Variants in GRIN2B observed in about 807,000 individuals in gnomAD.
GRIN2B encodes the protein glutamate receptor ionotropic, NMDA 2B.
In GRIN2B, 5 loss-of-function variants were observed where a neutral mutation model predicts 114.5. The ratio of observed to expected loss-of-function variants is 0.04; its 90% CI spans 0.02 to 0.09. The LOEUF (loss-of-function observed/expected upper bound fraction) is 0.09. Ranked by LOEUF, GRIN2B falls within the 10% of genes least tolerant of loss-of-function variation. GRIN2B has a pLI of 1.00. For synonymous variants in GRIN2B, 787 were observed against 745.1 expected (o/e 1.06, Z -0.92); for missense variants, 1,108 against 1,943.5 (o/e 0.57, Z 8.08).
intron 10 of GRIN2B, among the ~76,000 whole-genome samples, chr12:13,575,522 G>C (rs1948763033): frequency 1.3e-5 from 2 of 151,972 alleles, no homozygotes; most frequent in Admixed American, 1.3e-4. Context: ...AGCCGTGCGT[G>C]GTGGCATGCG....
intron 2 of GRIN2B, among the ~76,000 whole-genome samples, chr12:13,866,596 G>A (rs1022823726): frequency 1.3e-5 from 2 of 152,172 alleles, no homozygotes; most frequent in Non-Finnish European, 2.9e-5. Flanking sequence ...TTGGGCTGAA[G>A]GAAAGCAAGG....
At position 13,539,929 on chromosome 12, in the gene GRIN2B, ATTG is replaced by A. The variant is rs1396685955; in HGVS notation, c.*22851_*22853del. 1 of 152,216 alleles carries A rather than the reference ATTG, an allele frequency of 6.6e-6. No homozygotes were observed. The highest frequency in any genetic ancestry group is 1.5e-5 in the Non-Finnish European group (1 of 68,038). The allele number at this position is 152,216 out of a possible 1,614,324, so 9.4% of individuals were successfully genotyped here. A position where few individuals can be genotyped will look rare whatever the true frequency, so the allele number is the denominator to read the frequency against. On this transcript the variant is annotated 3_prime_UTR_variant, in exon 14 of 14. Coordinates refer to ENST00000609686, the MANE Select transcript of GRIN2B (RefSeq NM_000834.5). ...GGCTACCTTATGATGTCACAATGGT[ATTG>A]TTAAACTAAAAAAGAGTCCTTAGTA...
At chr12:13,741,196 AT>A (rs1863279146) in intron 4 of GRIN2B, among the ~76,000 whole-genome samples, 1 of 151,862 alleles carries the variant, frequency 6.6e-6, no homozygotes, top group Admixed American at 6.6e-5. Context: ...CGCCCGGCTA[AT>A]TTTTTTGTAT....
At chr12:13,840,703 T>C (rs1330675114) in intron 3 of GRIN2B, among the ~76,000 whole-genome samples, 1 of 152,176 alleles carries the variant, frequency 6.6e-6, no homozygotes, top group African/African-American at 2.4e-5. Flanking sequence ...CTTTTACCTG[T>C]CTAAAAATCA....
At chr12:13,643,037 T>C (rs764784304) in intron 5 of GRIN2B, among the ~76,000 whole-genome samples, 17 of 152,262 alleles carry the variant, frequency 1.1e-4, no homozygotes, top group Non-Finnish European at 1.9e-4. Context: ...TAGAGAACTG[T>C]CTCTTTTTCA....
intron 5 of GRIN2B, among the ~76,000 whole-genome samples, chr12:13,670,740 C>T (rs1950015552): frequency 6.6e-6 from 1 of 152,068 alleles, no homozygotes; most frequent in African/African-American, 2.4e-5. Flanking sequence ...ACTCACCATG[C>T]TATGTCTGCA....
chr12:13,924,207 A>G (rs191634160), intron 2 of GRIN2B, among the ~76,000 whole-genome samples: 136 of 152,334 alleles, frequency 8.9e-4, no homozygotes, highest in Middle Eastern at 6.8e-3. Context: ...GGTATATTGT[A>G]TATGGATAAG....
At chr12:13,610,758 T>C (rs1177480849) in intron 9 of GRIN2B, among the ~76,000 whole-genome samples, 2 of 152,200 alleles carry the variant, frequency 1.3e-5, no homozygotes, top group Non-Finnish European at 2.9e-5. Context: ...CTGGTTATTT[T>C]AACATGCAAC....
At chr12:13,683,260 G>A (rs984348417) in intron 4 of GRIN2B, among the ~76,000 whole-genome samples, 1 of 152,068 alleles carries the variant, frequency 6.6e-6, no homozygotes, top group Non-Finnish European at 1.5e-5. Flanking sequence ...AGAAAATAAA[G>A]GGGAGAAACA....
At chr12:13,592,074 CAAGGAGCTT>C (rs1949015659) in intron 10 of GRIN2B, among the ~76,000 whole-genome samples, 1 of 152,144 alleles carries the variant, frequency 6.6e-6, no homozygotes. Flanking sequence ...TCTCTTGCCT[CAAGGAGCTT>C]ATGATTCAGT....
intron 5 of GRIN2B, among the ~76,000 whole-genome samples, chr12:13,660,838 T>C (rs1949915115): frequency 6.6e-6 from 1 of 152,216 alleles, no homozygotes; most frequent in South Asian, 2.1e-4. Context: ...GTTCAAAGCC[T>C]CTTGAGTACG....
At chr12:13,761,229 T>G (rs749469640) in intron 3 of GRIN2B, among the ~76,000 whole-genome samples, 5 of 152,246 alleles carry the variant, frequency 3.3e-5, no homozygotes, top group African/African-American at 7.2e-5. Flanking sequence ...CCAGCATTCT[T>G]TTTATTATTT....
intron 4 of GRIN2B, among the ~76,000 whole-genome samples, chr12:13,720,442 T>C (rs1950497286): frequency 6.6e-6 from 1 of 152,116 alleles, no homozygotes. Flanking sequence ...AAGCATTTAA[T>C]TCAGCGGCAG....
chr12:13,902,733 C>A (rs1326886880), intron 2 of GRIN2B, among the ~76,000 whole-genome samples: 1 of 152,140 alleles, frequency 6.6e-6, no homozygotes, highest in Non-Finnish European at 1.5e-5. Context: ...ATCACTTGAA[C>A]CCGGGAGGCT....
chr12:13,956,643 A>G (rs865920638), intron 2 of GRIN2B, among the ~76,000 whole-genome samples: 2 of 152,142 alleles, frequency 1.3e-5, no homozygotes, highest in African/African-American at 4.8e-5. Context: ...AACGAGCCGC[A>G]TCATCACGAG....
chr12:13,788,351 A>G lies in GRIN2B; in HGVS notation c.412-34436T>C, dbSNP rs573994224. On this transcript the variant is annotated intron_variant, in intron 3 of 13. Coordinates refer to ENST00000609686, the MANE Select transcript of GRIN2B (RefSeq NM_000834.5). Reference sequence around the variant, plus strand: ...TAAGTTTCCAGCAAATATAACCATTAAAATAACACATTTCTCTCATTTCTA... The same window carrying G: ...TAAGTTTCCAGCAAATATAACCATTGAAATAACACATTTCTCTCATTTCTA... 2.0e-5 allele frequency among the ~76,000 whole-genome samples: 3 copies of G among 152,354 alleles called. No individual in the cohort carries two copies. The South Asian group carries it at 6.2e-4, about 32-fold the overall frequency.
chr12:13,737,433 A>T (rs1408754183), intron 4 of GRIN2B, among the ~76,000 whole-genome samples: 1 of 152,038 alleles, frequency 6.6e-6, no homozygotes, highest in Non-Finnish European at 1.5e-5. Flanking sequence ...GGATGGCCTC[A>T]ATCTCCTGAC....
chr12:13,962,855 T>C (rs1199646685), intron 2 of GRIN2B, among the ~76,000 whole-genome samples: 1 of 152,178 alleles, frequency 6.6e-6, no homozygotes, highest in Non-Finnish European at 1.5e-5. Flanking sequence ...CACCTCGTCG[T>C]CCGCTAGGCA....
chr12:13,607,248 A>AT (rs1248619397), intron 10 of GRIN2B, among the ~76,000 whole-genome samples: 1 of 86,140 alleles, frequency 1.2e-5, no homozygotes, highest in Non-Finnish European at 2.1e-5. Flanking sequence ...TTATATAAAA[A>AT]ATATATATTA....
Sources: allele counts gnomAD v4.1 joint callset (sites outside exome capture counted in the v4.1 genomes callset), GRCh38; gene constraint gnomAD v4.1.1; transcripts MANE v1.5; gene names NCBI Gene and HGNC (gene_info 2026-07-23, HGNC 2026-07-21).